Variants in GRID2 observed in about 807,000 individuals in gnomAD.
GRID2 encodes the protein glutamate receptor ionotropic, delta-2.
A neutral mutation model predicts 114.8 loss-of-function variants in GRID2; 33 were observed. That is an observed-to-expected ratio of 0.29 (90% CI 0.22 to 0.38). The LOEUF is 0.38. Ranked by LOEUF, GRID2 falls within the 10% of genes least tolerant of loss-of-function variation. GRID2 has a pLI of 1.00. For missense variants in GRID2, 1,184 were observed against 1,257.7 expected, an observed-to-expected ratio of 0.94 and a Z score of 0.89; for synonymous variants, 505 against 449.9, an observed-to-expected ratio of 1.12 and a Z score of -1.55.
intron 2 of GRID2, among the ~76,000 whole-genome samples, chr4:92,831,189 A>G (rs763407203): frequency 1.3e-5 from 2 of 152,200 alleles, no homozygotes; most frequent in African/African-American, 2.4e-5. Flanking sequence ...ATGTAAAATG[A>G]ATATCATCAT....
At chr4:93,175,637 T>G (rs1402745475) in intron 4 of GRID2, among the ~76,000 whole-genome samples, 1 of 152,206 alleles carries the variant, frequency 6.6e-6, no homozygotes, top group Non-Finnish European at 1.5e-5. Flanking sequence ...TTTTACTCCT[T>G]AAAGCTCAAT....
intron 2 of GRID2, among the ~76,000 whole-genome samples, chr4:93,043,165 T>G (rs1450593667): frequency 1.3e-5 from 2 of 152,178 alleles, no homozygotes; most frequent in Non-Finnish European, 2.9e-5. Flanking sequence ...ACCTATTGAC[T>G]GAAAATGAAT....
intron 2 of GRID2, among the ~76,000 whole-genome samples, chr4:93,074,642 T>C (rs1344855564): frequency 6.6e-6 from 1 of 152,012 alleles, no homozygotes; most frequent in Non-Finnish European, 1.5e-5. Context: ...ATTGTGAAGA[T>C]CAGAGCCGAA....
At chr4:92,721,111 A>G (rs1735789509) in intron 2 of GRID2, among the ~76,000 whole-genome samples, 2 of 152,102 alleles carry the variant, frequency 1.3e-5, no homozygotes, top group African/African-American at 4.8e-5. Flanking sequence ...AGTCAAATTT[A>G]TAGAGACACG....
intron 14 of GRID2, among the ~76,000 whole-genome samples, chr4:93,649,156 A>G (rs1394602863): frequency 6.6e-6 from 1 of 152,128 alleles, no homozygotes; most frequent in Non-Finnish European, 1.5e-5. Flanking sequence ...GGCTATTTTG[A>G]CCATATCACA....
At chr4:92,379,705 C>A (rs921960834) in intron 1 of GRID2, among the ~76,000 whole-genome samples, 4 of 151,824 alleles carry the variant, frequency 2.6e-5, no homozygotes, top group African/African-American at 9.7e-5. Context: ...CTGGAGTTAA[C>A]AAATCTTTAT....
chr4:92,581,020 A>G (rs1310589696), intron 1 of GRID2, among the ~76,000 whole-genome samples: 1 of 151,732 alleles, frequency 6.6e-6, no homozygotes. Flanking sequence ...ATAATAGGAT[A>G]TTGTTTCAAT....
At chr4:92,844,083 T>G (rs572905824) in intron 2 of GRID2, among the ~76,000 whole-genome samples, 1 of 152,270 alleles carries the variant, frequency 6.6e-6, no homozygotes, top group Non-Finnish European at 1.5e-5. Context: ...CTGTGGTAGA[T>G]AAATTTTTCA....
intron 2 of GRID2, among the ~76,000 whole-genome samples, chr4:92,607,061 T>C (rs866228261): frequency 1.7e-4 from 26 of 152,136 alleles, no homozygotes; most frequent in Non-Finnish European, 3.2e-4. Flanking sequence ...AAATTGCCAA[T>C]ACACAGCATA....
chr4:92,890,715 A>G (rs1282003499), intron 2 of GRID2, among the ~76,000 whole-genome samples: 2 of 152,196 alleles, frequency 1.3e-5, no homozygotes, highest in African/African-American at 4.8e-5. Flanking sequence ...TGATTCCTCA[A>G]GGATATAGAA....
chr4:92,832,059 C>G (rs980063558), intron 2 of GRID2, among the ~76,000 whole-genome samples: 1 of 151,602 alleles, frequency 6.6e-6, no homozygotes, highest in African/African-American at 2.4e-5. Context: ...TATTAATATG[C>G]TTTATATGTA....
intron 14 of GRID2, among the ~76,000 whole-genome samples, chr4:93,731,864 GCT>G (rs767481516): frequency 8.4e-4 from 128 of 152,118 alleles, no homozygotes; most frequent in Non-Finnish European, 1.7e-3. Context: ...CATCCCTGTT[GCT>G]CTCTGTTTCT....
chr4:92,368,831 C>T (rs985476480), intron 1 of GRID2, among the ~76,000 whole-genome samples: 5 of 151,146 alleles, frequency 3.3e-5, no homozygotes, highest in African/African-American at 1.2e-4. Context: ...AGTCAAGACA[C>T]GTATAATGTG....
chr4:93,317,363 T>G (rs1756768763), intron 8 of GRID2, among the ~76,000 whole-genome samples: 1 of 152,074 alleles, frequency 6.6e-6, no homozygotes, highest in Non-Finnish European at 1.5e-5. Context: ...TCATTTTGGC[T>G]TATTGTACCA....
rs901499706 is a variant in GRID2, at chr4:92,971,026, T to A, written c.245-113969T>A. 8.6e-5 allele frequency among the ~76,000 whole-genome samples: 13 copies of A among 151,642 alleles called. No homozygotes were observed. The South Asian group carries it at 1.7e-3, about 19-fold the overall frequency. On this transcript the variant is annotated intron_variant, in intron 2 of 15. Coordinates refer to ENST00000282020, the MANE Select transcript of GRID2 (RefSeq NM_001510.4). ...TTAAAGCTTTTTTTAAAAAAAAAAA[T>A]TTGTACAGAAGAAGACTCAGACTTG...
intron 10 of GRID2, among the ~76,000 whole-genome samples, chr4:93,433,769 T>G (rs1720806741): frequency 1.3e-5 from 2 of 152,218 alleles, no homozygotes; most frequent in Admixed American, 6.5e-5. Context: ...CTTTAATTCG[T>G]TAGGTATTGA....
intron 1 of GRID2, among the ~76,000 whole-genome samples, chr4:92,582,864 G>T (rs532614983): frequency 6.6e-6 from 1 of 151,908 alleles, no homozygotes; most frequent in South Asian, 2.1e-4. Flanking sequence ...GCATGCCCCT[G>T]TAGTTCCAAC....
At chr4:93,758,287 T>C (rs1732928100) in intron 14 of GRID2, among the ~76,000 whole-genome samples, 1 of 152,246 alleles carries the variant, frequency 6.6e-6, no homozygotes, top group South Asian at 2.1e-4. Flanking sequence ...ACAGTTGTAC[T>C]ATTGTTGATG....
intron 1 of GRID2, among the ~76,000 whole-genome samples, chr4:92,582,250 A>T (rs1054630587): frequency 2.0e-5 from 3 of 152,046 alleles, no homozygotes; most frequent in Middle Eastern, 3.4e-3. Context: ...ATTATTCGTC[A>T]CTAAAGTAAG....
Sources: allele counts gnomAD v4.1 joint callset (sites outside exome capture counted in the v4.1 genomes callset), GRCh38; gene constraint gnomAD v4.1.1; transcripts MANE v1.5; gene names NCBI Gene and HGNC (gene_info 2026-07-23, HGNC 2026-07-21).